The following C2orf76 variants were observed in gnomAD, a reference collection of about 807,000 sequenced individuals.
The protein encoded by C2orf76 is UPF0538 protein C2orf76.
A neutral mutation model predicts 16.9 loss-of-function variants in C2orf76; 23 were observed. The ratio of observed to expected loss-of-function variants is 1.36; its 90% CI spans 0.98 to 1.93. C2orf76 has a LOEUF of 1.93. Ranked by LOEUF, C2orf76 falls within the 30% of genes most tolerant of loss-of-function variation. The pLI is 0.00. For synonymous variants in C2orf76, 48 were observed against 52.3 expected (o/e 0.92, Z 0.35); for missense variants, 152 against 152.6 (o/e 1.00, Z 0.02).
intron 4 of C2orf76, among the ~76,000 whole-genome samples, chr2:119,315,159 C>T (rs1189291285): frequency 6.6e-6 from 1 of 152,048 alleles, no homozygotes; most frequent in African/African-American, 2.4e-5. Context: ...TTTATAAACA[C>T]ACCACTGATT....
chr2:119,314,671 T>C (rs571630217), intron 4 of C2orf76, among the ~76,000 whole-genome samples: 1 of 152,232 alleles, frequency 6.6e-6, no homozygotes, highest in African/African-American at 2.4e-5. Flanking sequence ...TTTTTCAAAA[T>C]TCTCCTGATT....
intron 1 of C2orf76, among the ~76,000 whole-genome samples, chr2:119,351,945 A>G (rs1310794785): frequency 2.6e-5 from 4 of 152,216 alleles, no homozygotes; most frequent in African/African-American, 9.6e-5. Flanking sequence ...GAAAATAATT[A>G]GGATTGACTG....
chr2:119,332,691 T>C (rs974247148), intron 2 of C2orf76, among the ~76,000 whole-genome samples: 1 of 152,186 alleles, frequency 6.6e-6, no homozygotes, highest in African/African-American at 2.4e-5. Context: ...GTTGTTTTAC[T>C]CTCGTTCCAA....
chr2:119,326,373 C>T (rs184567704), intron 2 of C2orf76, among the ~76,000 whole-genome samples: 182 of 152,278 alleles, frequency 1.2e-3, no homozygotes, highest in African/African-American at 4.3e-3. Context: ...CAATTTAACA[C>T]ATCTGTGTGT....
rs1679970085 is a variant in C2orf76, at chr2:119,339,888, T to A, written c.72A>T (p.Val24=). ...RSFEHRNFKP[V]VYHGVNLDQT... ...GGTCCAAATTCACTCCGTGATACACTACAGGTTTGAAATTGCGATGTTCAA... is the reference window on the plus strand; with the variant it reads ...GGTCCAAATTCACTCCGTGATACACAACAGGTTTGAAATTGCGATGTTCAA... The change falls in exon 2 of 6, where the codon GTA becomes GTT. Residue 24 remains valine, a synonymous_variant. Transcript: ENST00000334816. 6.2e-7 allele frequency: 1 copy of A among 1,613,178 alleles called. No homozygotes were observed.
At chr2:119,367,119 C>T, upstream of C2orf76, 1 of 1,607,452 alleles carries the variant, frequency 6.2e-7, no homozygotes, top group Non-Finnish European at 8.5e-7. Context: ...CCGTTGGGGG[C>T]TCAGCCGGCT....
chr2:119,281,562 AAC>A, the C2orf76 span, among the ~76,000 whole-genome samples: 1 of 152,100 alleles, frequency 6.6e-6, no homozygotes, highest in African/African-American at 2.4e-5. Flanking sequence ...AGAGAGAAAA[AAC>A]AGTTTCTCTT....
intron 2 of C2orf76, among the ~76,000 whole-genome samples, chr2:119,328,881 T>G (rs1487548162): frequency 6.6e-6 from 1 of 152,230 alleles, no homozygotes; most frequent in Non-Finnish European, 1.5e-5. Flanking sequence ...TTCCAAATAT[T>G]TGGAGATTTT....
chr2:119,345,768 G>C (rs1680177883), intron 1 of C2orf76, among the ~76,000 whole-genome samples: 1 of 151,584 alleles, frequency 6.6e-6, no homozygotes, highest in Non-Finnish European at 1.5e-5. Flanking sequence ...AGTACTAAAA[G>C]AATAAAATTT....
intron 3 of C2orf76, 31 bp from the exon 4 acceptor site, chr2:119,317,534 A>T: frequency 6.4e-7 from 1 of 1,568,896 alleles, no homozygotes; most frequent in Non-Finnish European, 8.7e-7. Flanking sequence ...ATCTTTTTAC[A>T]CAGTTTATTC....
intron 5 of C2orf76, chr2:119,311,403 T>C (rs984971211): frequency 2.0e-6 from 2 of 985,418 alleles, no homozygotes; most frequent in Non-Finnish European, 2.4e-6. Flanking sequence ...AAACAGCCAT[T>C]TGCATTCTGC....
the C2orf76 span, among the ~76,000 whole-genome samples, chr2:119,295,082 C>A: frequency 2.0e-5 from 3 of 152,158 alleles, no homozygotes; most frequent in East Asian, 5.8e-4. Flanking sequence ...GACTAGGGTG[C>A]AGTTATTAAT....
At chr2:119,298,185 C>A (rs1447589302), downstream of C2orf76, among the ~76,000 whole-genome samples, 2 of 152,152 alleles carry the variant, frequency 1.3e-5, no homozygotes, top group Non-Finnish European at 2.9e-5. Flanking sequence ...TTCAGAAGGC[C>A]TTCTCTACCC....
chr2:119,301,580 T>G (rs1462129254), downstream of C2orf76, among the ~76,000 whole-genome samples: 1 of 152,158 alleles, frequency 6.6e-6, no homozygotes, highest in Non-Finnish European at 1.5e-5. Flanking sequence ...TCTCCAGGAC[T>G]CAGGGAGCAA....
intron 4 of C2orf76, among the ~76,000 whole-genome samples, chr2:119,313,506 G>T (rs6718588): frequency 2.0e-5 from 3 of 151,826 alleles, no homozygotes; most frequent in African/African-American, 7.3e-5. Context: ...TGAAGCAGGA[G>T]GATATCTTGA....
chr2:119,308,142 G>A (rs374023995), intron 5 of C2orf76, among the ~76,000 whole-genome samples: 63 of 152,146 alleles, frequency 4.1e-4, no homozygotes, highest in African/African-American at 1.3e-3. Flanking sequence ...AAAAAAATTC[G>A]TCCTTTAATT....
chr2:119,293,621 G>C, the C2orf76 span, among the ~76,000 whole-genome samples: 1 of 152,192 alleles, frequency 6.6e-6, no homozygotes, highest in Non-Finnish European at 1.5e-5. Context: ...AAACCCAGTT[G>C]GAAGGAAGGT....
chr2:119,286,638 C>G, the C2orf76 span, among the ~76,000 whole-genome samples: 1 of 152,084 alleles, frequency 6.6e-6, no homozygotes, highest in African/African-American at 2.4e-5. Context: ...AAACAAGGAC[C>G]CATCCGATGG....
At chr2:119,285,782 A>G in the C2orf76 span, among the ~76,000 whole-genome samples, 1 of 152,228 alleles carries the variant, frequency 6.6e-6, no homozygotes, top group Non-Finnish European at 1.5e-5. Context: ...AGTATATGGT[A>G]TAGCAAGGAA....
Sources: allele counts gnomAD v4.1 joint callset (sites outside exome capture counted in the v4.1 genomes callset), GRCh38; gene constraint gnomAD v4.1.1; transcripts MANE v1.5; gene names NCBI Gene and HGNC (gene_info 2026-07-23, HGNC 2026-07-21).